Variants in NLGN1 observed in about 807,000 individuals in gnomAD.
NLGN1 encodes the protein neuroligin-1.
NLGN1 carries 12 observed loss-of-function variants against 65.5 expected under a neutral mutation model. The observed-to-expected ratio is 0.18, with a 90% confidence interval of 0.12 to 0.30. The LOEUF (loss-of-function observed/expected upper bound fraction) is 0.30. NLGN1 is among the 10% of genes least tolerant of loss of function. The probability of loss-of-function intolerance (pLI) is 1.00; values close to 1 mark genes in which losing one functional copy is unlikely to be tolerated. For missense variants in NLGN1, 750 were observed against 1,007.1 expected, an observed-to-expected ratio of 0.74 and a Z score of 3.46; for synonymous variants, 350 against 359.5, an observed-to-expected ratio of 0.97 and a Z score of 0.30.
At chr3:173,478,387 T>C (rs1005759816) in intron 2 of NLGN1, among the ~76,000 whole-genome samples, 5 of 151,874 alleles carry the variant, frequency 3.3e-5, no homozygotes, top group Non-Finnish European at 7.4e-5. Context: ...GAACAACACA[T>C]ACTGGGGCCT....
chr3:173,633,366 G>A (rs1019450461), intron 3 of NLGN1, among the ~76,000 whole-genome samples: 2 of 152,098 alleles, frequency 1.3e-5, no homozygotes, highest in African/African-American at 4.8e-5. Flanking sequence ...GCAGTCATTT[G>A]TCTTGCTTTC....
intron 4 of NLGN1, among the ~76,000 whole-genome samples, chr3:173,906,275 C>T (rs991631874): frequency 3.3e-5 from 5 of 152,184 alleles, no homozygotes; most frequent in East Asian, 3.9e-4. Context: ...GCATTTTTTC[C>T]ATCCTTTCTC....
At chr3:173,515,296 T>G (rs1733645230) in intron 2 of NLGN1, among the ~76,000 whole-genome samples, 1 of 152,172 alleles carries the variant, frequency 6.6e-6, no homozygotes, top group Admixed American at 6.5e-5. Flanking sequence ...TTGTGTTTTT[T>G]GGAAAAATGT....
intron 4 of NLGN1, among the ~76,000 whole-genome samples, chr3:173,937,943 G>A (rs1266127811): frequency 3.9e-5 from 6 of 152,100 alleles, no homozygotes; most frequent in East Asian, 1.9e-4. Context: ...ACCCAATAAT[G>A]TAGTTGTTCT....
intron 4 of NLGN1, among the ~76,000 whole-genome samples, chr3:174,169,347 G>A (rs1426172956): frequency 1.3e-5 from 2 of 152,096 alleles, no homozygotes; most frequent in African/African-American, 2.4e-5. Context: ...TAGGAAGGGT[G>A]TCGCAACCCA....
At chr3:174,147,358 C>A (rs561120214) in intron 4 of NLGN1, among the ~76,000 whole-genome samples, 1 of 149,136 alleles carries the variant, frequency 6.7e-6, no homozygotes. Context: ...TCCATTGTTG[C>A]CAGTGCTTCT....
chr3:173,846,150 C>T (rs995662132), intron 4 of NLGN1, among the ~76,000 whole-genome samples: 7 of 152,066 alleles, frequency 4.6e-5, no homozygotes, highest in African/African-American at 1.4e-4. Context: ...AGTATAATTC[C>T]TAAAACATGG....
intron 4 of NLGN1, among the ~76,000 whole-genome samples, chr3:174,048,841 T>C (rs1734191878): frequency 6.6e-6 from 1 of 152,114 alleles, no homozygotes; most frequent in Non-Finnish European, 1.5e-5. Flanking sequence ...AAGAAAATTA[T>C]ATTAGTAACT....
intron 4 of NLGN1, among the ~76,000 whole-genome samples, chr3:174,069,021 C>A (rs890420801): frequency 1.3e-5 from 2 of 152,058 alleles, no homozygotes; most frequent in African/African-American, 4.8e-5. Flanking sequence ...CTGTGCCAAT[C>A]TGTGTGGTGG....
At chr3:174,148,632 T>C (rs1723784976) in intron 4 of NLGN1, among the ~76,000 whole-genome samples, 1 of 152,188 alleles carries the variant, frequency 6.6e-6, no homozygotes, top group Admixed American at 6.6e-5. Context: ...ATACATCATA[T>C]ACACTTTTGC....
chr3:173,848,858 G>A (rs747205646), intron 4 of NLGN1, among the ~76,000 whole-genome samples: 32 of 152,092 alleles, frequency 2.1e-4, no homozygotes, highest in Middle Eastern at 3.4e-3. Flanking sequence ...AATTAAATAG[G>A]ATATACCAAC....
At chr3:173,886,176 A>G (rs1734298140) in intron 4 of NLGN1, among the ~76,000 whole-genome samples, 1 of 152,120 alleles carries the variant, frequency 6.6e-6, no homozygotes, top group Admixed American at 6.6e-5. Flanking sequence ...TGTTCAATGA[A>G]AATTCATCAT....
intron 2 of NLGN1, among the ~76,000 whole-genome samples, chr3:173,473,920 G>A (rs1038912906): frequency 1.3e-5 from 2 of 152,086 alleles, no homozygotes; most frequent in South Asian, 4.1e-4. Flanking sequence ...AAGAATGTTG[G>A]TCTCTGCAGT....
chr3:173,521,067 A>T (rs966222803), intron 2 of NLGN1, among the ~76,000 whole-genome samples: 3 of 152,204 alleles, frequency 2.0e-5, no homozygotes, highest in African/African-American at 7.2e-5. Flanking sequence ...AAATTGCTAT[A>T]CTATGTGAAG....
In NLGN1 at chr3:173,604,493, CT is replaced by C; in HGVS notation, c.-105del. 1 of 1,256,084 alleles carries C rather than the reference CT, an allele frequency of 8.0e-7. No individual in the cohort carries two copies. The highest frequency in any genetic ancestry group is 1.5e-5 in the African/African-American group (1 of 66,820). 77.8% of individuals were successfully genotyped at this position (1,256,084 alleles called of 1,614,324 possible). On this transcript the variant is annotated 5_prime_UTR_variant, in exon 3 of 7. An upstream open reading frame in the 5' UTR loses its in-frame stop. Transcript: ENST00000457714. ...TCAGAGCTTTTCTCGACAAGCTCCC[CT>C]GTAAGAAATCGGAGGTATATTCTAC...
the NLGN1 span, among the ~76,000 whole-genome samples, chr3:174,292,558 AATTC>A: frequency 1.3e-5 from 2 of 151,416 alleles, no homozygotes; most frequent in Non-Finnish European, 3.0e-5. Flanking sequence ...ATTGGAATAT[AATTC>A]ATTGTTTTGA....
chr3:173,498,282 C>T (rs1384236807), intron 2 of NLGN1, among the ~76,000 whole-genome samples: 1 of 151,494 alleles, frequency 6.6e-6, no homozygotes, highest in Non-Finnish European at 1.5e-5. Context: ...TCAATTCCCA[C>T]CTATGAGTGA....
chr3:173,872,176 G>A (rs115993423), intron 4 of NLGN1, among the ~76,000 whole-genome samples: 1,714 of 152,288 alleles, frequency 0.011, 26 homozygotes, highest in African/African-American at 0.038. Context: ...ACGAAATTCC[G>A]TGGTAAATGG....
At chr3:173,627,068 C>A (rs571280693) in intron 3 of NLGN1, among the ~76,000 whole-genome samples, 1 of 152,078 alleles carries the variant, frequency 6.6e-6, no homozygotes, top group African/African-American at 2.4e-5. Context: ...TATAATTTTT[C>A]TTTCCCTTTG....
Sources: gnomAD v4.1 joint callset for allele counts (sites outside exome capture counted in the v4.1 genomes callset) on GRCh38, gnomAD v4.1.1 for gene constraint, MANE v1.5 for transcripts, NCBI Gene and HGNC (gene_info 2026-07-23, HGNC 2026-07-21) for gene names.